Variants in DAB1 observed in about 807,000 individuals in gnomAD.
DAB1 encodes disabled homolog 1.
A neutral mutation model predicts 64.6 loss-of-function variants in DAB1; 15 were observed. That is an observed-to-expected ratio of 0.23 (90% CI 0.16 to 0.36). The LOEUF (loss-of-function observed/expected upper bound fraction) is 0.36, where lower values mean the gene tolerates loss of function less well. Ranked by LOEUF, DAB1 falls within the 10% of genes least tolerant of loss-of-function variation. The pLI is 1.00. For missense variants in DAB1, 596 were observed against 706.7 expected (o/e 0.84, Z 1.78); for synonymous variants, 235 against 251.9 (o/e 0.93, Z 0.64).
At chr1:58,545,404 A>G (rs934960309) in intron 1 of DAB1, among the ~76,000 whole-genome samples, 1 of 152,196 alleles carries the variant, frequency 6.6e-6, no homozygotes, top group Non-Finnish European at 1.5e-5. Context: ...ACAGTGCCTG[A>G]TATTTTGTAA....
At chr1:58,528,274 T>C (rs1056940580) in intron 1 of DAB1, among the ~76,000 whole-genome samples, 1 of 152,184 alleles carries the variant, frequency 6.6e-6, no homozygotes, top group African/African-American at 2.4e-5. Flanking sequence ...GAAACTTAAG[T>C]TCAAGTCCAA....
intron 1 of DAB1, among the ~76,000 whole-genome samples, chr1:57,409,774 A>G (rs1452041371): frequency 1.3e-5 from 2 of 152,098 alleles, no homozygotes; most frequent in Non-Finnish European, 2.9e-5. Flanking sequence ...GTGCCACTAC[A>G]CTCCAGCCTG....
At chr1:57,889,896 GGGC>G (rs1557539174) in intron 5 of DAB1, among the ~76,000 whole-genome samples, 9 of 122,720 alleles carry the variant, frequency 7.3e-5, no homozygotes, top group East Asian at 2.5e-4. Context: ...GCACAAACTG[GGGC>G]GGGGGGGGGG....
At chr1:57,778,169 T>C (rs1219991258) in intron 6 of DAB1, among the ~76,000 whole-genome samples, 1 of 152,100 alleles carries the variant, frequency 6.6e-6, no homozygotes, top group Non-Finnish European at 1.5e-5. Context: ...GGTTATCATA[T>C]GCATATGATA....
chr1:57,721,878 C>T (rs2101759813), intron 6 of DAB1, among the ~76,000 whole-genome samples: 1 of 152,244 alleles, frequency 6.6e-6, no homozygotes, highest in East Asian at 1.9e-4. Context: ...ATCTGAACTC[C>T]TATGTTATTG....
intron 2 of DAB1, among the ~76,000 whole-genome samples, chr1:57,238,623 CT>C (rs1668264280): frequency 6.6e-6 from 1 of 152,092 alleles, no homozygotes; most frequent in South Asian, 2.1e-4. Flanking sequence ...TCCAGAAGTC[CT>C]TCCTGCATCC....
intron 1 of DAB1, among the ~76,000 whole-genome samples, chr1:58,546,428 C>T (rs1245532743): frequency 2.0e-5 from 3 of 152,148 alleles, no homozygotes; most frequent in Non-Finnish European, 4.4e-5. Flanking sequence ...GGGTCACCGG[C>T]GTGCCCCGGG....
At chr1:58,275,665 CAA>C (rs1238996563) in intron 4 of DAB1, among the ~76,000 whole-genome samples, 1 of 151,892 alleles carries the variant, frequency 6.6e-6, no homozygotes, top group East Asian at 1.9e-4. Flanking sequence ...AAAAATAAAA[CAA>C]ATTTAAAAAG....
rs533982906 is a variant in DAB1 at position 58,493,261 on chromosome 1, G to A, written n.257+12799C>T. Among the ~76,000 whole-genome samples, 28 of 152,190 alleles carry A rather than the reference G, an allele frequency of 1.8e-4. 2 individuals are homozygous for A. Among genetic ancestry groups the A allele is most frequent in the Admixed American group, 5.2e-4 (8 of 15,286 alleles). ...TCAATAAATTAGGTATTGATGGGAC[G>A]TATCTCAAAATAGTAAGAGCTATTT... is the stretch of plus-strand genomic sequence containing the variant. On this transcript the variant is annotated intron_variant and non_coding_transcript_variant, in intron 3 of 20. Transcript: ENST00000485760.
intron 7 of DAB1, among the ~76,000 whole-genome samples, chr1:57,474,063 A>G (rs1643902799): frequency 6.6e-6 from 1 of 152,210 alleles, no homozygotes; most frequent in Non-Finnish European, 1.5e-5. Context: ...GTTTTATAAG[A>G]AACCACATTA....
chr1:57,172,735 G>T (rs1466841637), intron 2 of DAB1, among the ~76,000 whole-genome samples: 1 of 152,084 alleles, frequency 6.6e-6, no homozygotes, highest in African/African-American at 2.4e-5. Flanking sequence ...AATGGAATGA[G>T]AACTCATTAC....
chr1:57,519,264 G>A (rs549321221), intron 7 of DAB1, among the ~76,000 whole-genome samples: 2 of 152,274 alleles, frequency 1.3e-5, no homozygotes, highest in South Asian at 2.1e-4. Context: ...CTGAGGCACA[G>A]GGAAGTAACC....
At chr1:57,900,894 C>T (rs190257689) in intron 5 of DAB1, among the ~76,000 whole-genome samples, 7 of 152,240 alleles carry the variant, frequency 4.6e-5, no homozygotes, top group Admixed American at 3.3e-4. Flanking sequence ...TTCCAGTTCA[C>T]TGCCATATTC....
intron 1 of DAB1, among the ~76,000 whole-genome samples, chr1:57,869,024 C>T (rs1654422987): frequency 6.6e-6 from 1 of 152,104 alleles, no homozygotes; most frequent in Non-Finnish European, 1.5e-5. Flanking sequence ...TATCTCCTGG[C>T]CTCCCTAAGA....
intron 6 of DAB1, among the ~76,000 whole-genome samples, chr1:57,656,112 C>T (rs879649350): frequency 4.6e-5 from 7 of 152,168 alleles, no homozygotes; most frequent in Non-Finnish European, 1.0e-4. Flanking sequence ...CACTCTTTTT[C>T]TGCTGTGTGA....
At chr1:58,163,144 A>C (rs538822474) in intron 4 of DAB1, among the ~76,000 whole-genome samples, 120 of 152,302 alleles carry the variant, frequency 7.9e-4, no homozygotes, top group Non-Finnish European at 1.5e-3. Context: ...CCAGTCATGG[A>C]GTCTCCCTCT....
At chr1:57,653,325 T>A (rs1030667805) in intron 6 of DAB1, among the ~76,000 whole-genome samples, 5 of 152,224 alleles carry the variant, frequency 3.3e-5, no homozygotes, top group African/African-American at 9.6e-5. Flanking sequence ...TAAAACTTTG[T>A]TTAGATGGTA....
intron 3 of DAB1, among the ~76,000 whole-genome samples, chr1:58,409,468 A>G (rs763299758): frequency 6.6e-6 from 1 of 152,262 alleles, no homozygotes; most frequent in Non-Finnish European, 1.5e-5. Context: ...GCCAAGCAGC[A>G]TCGCTGTCTG....
At chr1:58,090,578 C>T (rs1650595447) in intron 5 of DAB1, among the ~76,000 whole-genome samples, 1 of 152,190 alleles carries the variant, frequency 6.6e-6, no homozygotes, top group Non-Finnish European at 1.5e-5. Flanking sequence ...TGCCCTTAAT[C>T]ACAACTCTGT....
Sources: allele counts gnomAD v4.1 joint callset (sites outside exome capture counted in the v4.1 genomes callset), GRCh38; gene constraint gnomAD v4.1.1; transcripts MANE v1.5; gene names NCBI Gene and HGNC (gene_info 2026-07-23, HGNC 2026-07-21).